STK35: variants seen among roughly 807,000 people sequenced by gnomAD.
STK35 encodes the protein serine/threonine kinase 35.
Under a neutral mutation model 37.3 loss-of-function variants are expected in STK35, and 17 were observed. The observed-to-expected ratio is 0.46, with a 90% CI of 0.31 to 0.68. The LOEUF (loss-of-function observed/expected upper bound fraction) is 0.68. Ranked by LOEUF, STK35 falls within the 30% of genes least tolerant of loss-of-function variation. The pLI, the probability that STK35 is intolerant of heterozygous loss-of-function variation, is 0.05. For missense variants in STK35, 595 were observed against 746.7 expected (o/e 0.80, Z 2.37); for synonymous variants, 385 against 319.1 (o/e 1.21, Z -2.20).
intron 3 of STK35, among the ~76,000 whole-genome samples, chr20:2,134,120 C>T (rs960352061): frequency 5.3e-5 from 8 of 151,942 alleles, no homozygotes; most frequent in South Asian, 2.1e-4. Context: ...TCAGGCTGGG[C>T]GTGGTGGTGC....
At chr20:2,114,509 A>G (rs1328726629) in intron 2 of STK35, among the ~76,000 whole-genome samples, 2 of 152,046 alleles carry the variant, frequency 1.3e-5, no homozygotes. Flanking sequence ...ATTCTGTCAT[A>G]CCCACTGTTA....
chr20:2,126,376 A>C (rs1219440751), intron 3 of STK35, among the ~76,000 whole-genome samples: 1 of 151,866 alleles, frequency 6.6e-6, no homozygotes, highest in African/African-American at 2.4e-5. Flanking sequence ...AGAGTGGAGG[A>C]GGTGGTATTC....
chr20:2,142,726 C>T (rs1019611780), intron 3 of STK35, among the ~76,000 whole-genome samples: 1 of 152,206 alleles, frequency 6.6e-6, no homozygotes, highest in Non-Finnish European at 1.5e-5. Flanking sequence ...CACTGTACTC[C>T]AGCCTGGGTG....
intron 3 of STK35, among the ~76,000 whole-genome samples, chr20:2,135,721 G>T (rs1986075283): frequency 6.6e-6 from 1 of 152,172 alleles, no homozygotes; most frequent in South Asian, 2.1e-4. Context: ...AAATTAGCCG[G>T]GCGTGGTGGT....
chr20:2,119,530 G>A (rs769928283), intron 3 of STK35, among the ~76,000 whole-genome samples: 4 of 152,232 alleles, frequency 2.6e-5, no homozygotes, highest in Non-Finnish European at 5.9e-5. Context: ...AAATTGACCA[G>A]CATATATGCT....
At chr20:2,131,373 G>A (rs952517134) in intron 3 of STK35, among the ~76,000 whole-genome samples, 1 of 152,186 alleles carries the variant, frequency 6.6e-6, no homozygotes, top group Non-Finnish European at 1.5e-5. Context: ...CAACACTTTG[G>A]GAGGCCAAGA....
chr20:2,103,229 C>T lies in STK35; in HGVS notation c.756C>T (p.Thr252=). Residue 252 remains threonine (T), a synonymous_variant, in exon 2 of 4, where the codon ACC becomes ACT. Coordinates refer to ENST00000381482, the MANE Select transcript of STK35 (RefSeq NM_080836.4). ...CGCTGGCTGAATTCTGGGCCCTCAC[C>T]AGCCTCAAGCGGCGCCACCAGAACG... ...ELALAEFWAL[T]SLKRRHQNVV... 1.2e-6 allele frequency: 2 copies of T among 1,612,846 alleles called. No individual in the cohort carries two copies. Among genetic ancestry groups the T allele is most frequent in the Non-Finnish European group, 1.7e-6 (2 of 1,179,812 alleles).
intron 3 of STK35, among the ~76,000 whole-genome samples, chr20:2,124,546 T>C (rs946733561): frequency 2.6e-5 from 4 of 152,172 alleles, no homozygotes; most frequent in African/African-American, 7.2e-5. Flanking sequence ...CTCTTGATGA[T>C]GATCAATTCT....
chr20:2,104,942 C>T (rs1261851714), intron 2 of STK35, among the ~76,000 whole-genome samples: 1 of 151,796 alleles, frequency 6.6e-6, no homozygotes. Flanking sequence ...GGCTTGAGCC[C>T]AGGAGTTTGG....
chr20:2,137,796 C>G lies in STK35; in HGVS notation c.*38-5988C>G, dbSNP rs149996724. 2.3e-4 allele frequency among the ~76,000 whole-genome samples: 35 copies of G among 152,172 alleles called. 2 individuals are homozygous for G. In the East Asian group the frequency reaches 6.8e-3, roughly 29 times the overall value. On this transcript the variant is annotated intron_variant, in intron 3 of 3. Coordinates refer to ENST00000381482, the MANE Select transcript of STK35 (RefSeq NM_080836.4). ...GAGGAGACATTCGTGCTGGGGCCAC[C>G]GAACCCCCAGGGCTGGCATGTTGAT...
At chr20:2,128,688 A>G (rs932601786) in intron 3 of STK35, among the ~76,000 whole-genome samples, 2 of 152,126 alleles carry the variant, frequency 1.3e-5, no homozygotes, top group African/African-American at 4.8e-5. Context: ...AGGTGATCTC[A>G]GGGGAGTGCT....
In STK35 at chr20:2,146,286, C is replaced by T. The variant is rs1370742717; in HGVS notation, c.*2540C>T. 1 of 152,502 alleles carries T rather than the reference C, an allele frequency of 6.6e-6. No individual in the cohort carries two copies. Among genetic ancestry groups the T allele is most frequent in the Non-Finnish European group, 1.5e-5 (1 of 68,258 alleles). The allele number at this position is 152,502 out of a possible 1,614,324, so 9.4% of individuals were successfully genotyped here. The stretch of plus-strand genomic sequence containing the variant: ...GCACCTGTAGTTTCAGTGCCACTCT[C>T]CACTGTCCCCTTGTGGACCAGCTTC... On this transcript the variant is annotated 3_prime_UTR_variant, in exon 4 of 4. Transcript: ENST00000381482.
intron 3 of STK35, among the ~76,000 whole-genome samples, chr20:2,128,845 T>G (rs1299423842): frequency 6.6e-6 from 1 of 152,056 alleles, no homozygotes; most frequent in African/African-American, 2.4e-5. Context: ...GTGGAATCTG[T>G]GGGGGGTTTT....
intron 3 of STK35, among the ~76,000 whole-genome samples, chr20:2,140,602 A>G (rs1986157221): frequency 6.6e-6 from 1 of 152,188 alleles, no homozygotes; most frequent in Non-Finnish European, 1.5e-5. Context: ...TCCTCTCCCC[A>G]GTAGAGAGCC....
At chr20:2,107,321 G>A (rs1985534451) in intron 2 of STK35, among the ~76,000 whole-genome samples, 1 of 152,242 alleles carries the variant, frequency 6.6e-6, no homozygotes, top group Non-Finnish European at 1.5e-5. Flanking sequence ...AGAATAGTTA[G>A]AAGTTTGGGA....
At chr20:2,127,260 T>G (rs990559961) in intron 3 of STK35, among the ~76,000 whole-genome samples, 10 of 152,124 alleles carry the variant, frequency 6.6e-5, no homozygotes, top group Non-Finnish European at 1.3e-4. Context: ...CCCTTTGTTT[T>G]TTTTTTTCTA....
intron 2 of STK35, among the ~76,000 whole-genome samples, chr20:2,111,840 C>T (rs529823028): frequency 1.3e-5 from 2 of 152,350 alleles, no homozygotes; most frequent in East Asian, 3.9e-4. Flanking sequence ...ACTCGTGTCC[C>T]TGGCGCACAC....
chr20:2,131,752 T>A (rs1302585573), intron 3 of STK35, among the ~76,000 whole-genome samples: 1 of 151,996 alleles, frequency 6.6e-6, no homozygotes, highest in Non-Finnish European at 1.5e-5. Flanking sequence ...GGTCGCGCTC[T>A]GTCACCCAGG....
At chr20:2,108,700 A>G (rs1985562873) in intron 2 of STK35, among the ~76,000 whole-genome samples, 1 of 152,066 alleles carries the variant, frequency 6.6e-6, no homozygotes, top group Non-Finnish European at 1.5e-5. Flanking sequence ...ACTACTTTTT[A>G]TGTGCATTGG....
Sources: allele counts gnomAD v4.1 joint callset (sites outside exome capture counted in the v4.1 genomes callset), GRCh38; gene constraint gnomAD v4.1.1; transcripts MANE v1.5; gene names NCBI Gene and HGNC (gene_info 2026-07-23, HGNC 2026-07-21).